Variants in FANCI observed in about 807,000 individuals in gnomAD.
FANCI encodes the protein FA complementation group I.
Under a neutral mutation model 176.1 loss-of-function variants are expected in FANCI, and 156 were observed. That is an observed-to-expected ratio of 0.89 (90% CI 0.78 to 1.01). FANCI has a LOEUF of 1.01. Ranked by LOEUF, FANCI falls within the 50% of genes least tolerant of loss-of-function variation. FANCI has a pLI of 0.00. For synonymous variants in FANCI, 613 were observed against 541.7 expected, an observed-to-expected ratio of 1.13 and a Z score of -1.83; for missense variants, 1,678 against 1,534.1, an observed-to-expected ratio of 1.09 and a Z score of -1.57.
At chr15:89,297,217 G>A (rs1379499640) in intron 24 of FANCI, among the ~76,000 whole-genome samples, 3 of 151,720 alleles carry the variant, frequency 2.0e-5, no homozygotes, top group South Asian at 2.1e-4. Flanking sequence ...GGGCAGAGGC[G>A]CTCCCCACAT....
chr15:89,267,362 G>A (rs1337239535), intron 9 of FANCI, among the ~76,000 whole-genome samples: 1 of 149,724 alleles, frequency 6.7e-6, no homozygotes, highest in African/African-American at 2.5e-5. Context: ...GAAGAGGCCA[G>A]TGATGATGCC....
At chr15:89,248,233 CTG>C (rs1235729027) in intron 2 of FANCI, among the ~76,000 whole-genome samples, 2 of 152,118 alleles carry the variant, frequency 1.3e-5, no homozygotes, top group African/African-American at 4.8e-5. Flanking sequence ...ATATGTTAGG[CTG>C]TTTCTTCTCC....
chr15:89,248,672 T>C (rs1184993072), intron 2 of FANCI, among the ~76,000 whole-genome samples: 1 of 152,218 alleles, frequency 6.6e-6, no homozygotes, highest in Non-Finnish European at 1.5e-5. Flanking sequence ...ATGCCTCAAA[T>C]TGAAGGCGTG....
intron 22 of FANCI, 120 bp downstream of exon 22, chr15:89,293,183 A>G (rs1367406899): frequency 9.5e-7 from 1 of 1,051,346 alleles, no homozygotes; most frequent in Non-Finnish European, 1.4e-6. Flanking sequence ...TGTCTCTTAA[A>G]TGAGCACCTA....
chr15:89,263,405 T>G lies in FANCI; in HGVS notation c.504-14T>G. ...AGTTGTAAAGAAATAAACTTTGTCA[T>G]TTTCTTCTACCAGGTGGGATCAGCA... On this transcript the variant is annotated splice_polypyrimidine_tract_variant and intron_variant, in intron 6 of 37. Transcript: ENST00000310775. 6.2e-7 allele frequency: 1 copy of G among 1,609,454 alleles called. No homozygotes were observed. Among genetic ancestry groups the G allele is most frequent in the Non-Finnish European group, 8.5e-7 (1 of 1,175,952 alleles).
At chr15:89,311,722 G>C (rs373396395) in intron 34 of FANCI, among the ~76,000 whole-genome samples, 2 of 152,314 alleles carry the variant, frequency 1.3e-5, no homozygotes, top group South Asian at 2.1e-4. Flanking sequence ...GTGGCATGTG[G>C]AACAAGTCTC....
intron 14 of FANCI, among the ~76,000 whole-genome samples, chr15:89,280,019 C>G (rs1388855452): frequency 6.6e-6 from 1 of 152,052 alleles, no homozygotes; most frequent in Non-Finnish European, 1.5e-5. Flanking sequence ...ATTGTCAGCT[C>G]TTTTTGTTTG....
At chr15:89,288,939 C>A (rs1418814164) in intron 18 of FANCI, among the ~76,000 whole-genome samples, 3 of 152,006 alleles carry the variant, frequency 2.0e-5, no homozygotes, top group African/African-American at 7.2e-5. Flanking sequence ...CCGTGCCCGG[C>A]CCATCTTTAT....
At chr15:89,281,432 C>T in intron 15 of FANCI, 132 bp downstream of exon 15, 1 of 1,161,992 alleles carries the variant, frequency 8.6e-7, no homozygotes, top group Non-Finnish European at 1.3e-6. Context: ...ATAAAATTTG[C>T]ATTAAAAGGG....
At chr15:89,315,914 A>G (rs1467440439) in intron 37 of FANCI, among the ~76,000 whole-genome samples, 1 of 152,088 alleles carries the variant, frequency 6.6e-6, no homozygotes, top group Non-Finnish European at 1.5e-5. Context: ...TAGCACCTAA[A>G]ATTTTCATCT....
intron 17 of FANCI, among the ~76,000 whole-genome samples, chr15:89,283,646 G>C (rs896178021): frequency 3.3e-5 from 5 of 151,922 alleles, no homozygotes; most frequent in Non-Finnish European, 5.9e-5. Context: ...TATGTGTTGG[G>C]TTACAGAAAA....
At chr15:89,290,599 A>G (rs2054024592) in intron 19 of FANCI, 1 of 277,086 alleles carries the variant, frequency 3.6e-6, no homozygotes, top group South Asian at 5.8e-5. Context: ...GAAAGAAAAA[A>G]GAAATCCAAA....
At chr15:89,260,098 T>A (rs972019115) in intron 3 of FANCI, among the ~76,000 whole-genome samples, 3 of 152,184 alleles carry the variant, frequency 2.0e-5, no homozygotes, top group South Asian at 4.1e-4. Context: ...TTTTTTCACA[T>A]CCTCATCAAC....
rs1349708901 is a variant in FANCI, at chr15:89,307,484, G to A, written c.3546G>A (p.Gln1182=). Residue 1182 remains glutamine, a synonymous_variant, in exon 33 of 38, where the codon CAG becomes CAA. Coordinates refer to ENST00000310775, the MANE Select transcript of FANCI (RefSeq NM_001113378.2). ...TLTALVRYYL[Q]VCQSSGGIPK... is the part of the protein sequence containing the mutation. ...GAATCTTTTTTTATTAGTATCTCCA[G>A]GTGTGTCAGAGCTCCGGAGGAATTC... is the stretch of plus-strand genomic sequence containing the variant. 2 of 1,614,094 alleles carry A rather than the reference G, an allele frequency of 1.2e-6. No homozygotes were observed. Among genetic ancestry groups the A allele is most frequent in the Admixed American group, 1.7e-5 (1 of 60,024 alleles).
At chr15:89,311,109 A>C (rs930138120) in intron 34 of FANCI, among the ~76,000 whole-genome samples, 5 of 152,076 alleles carry the variant, frequency 3.3e-5, no homozygotes, top group African/African-American at 1.2e-4. Context: ...AAATACAAAA[A>C]TTAGCTGGGC....
chr15:89,305,284 G>C (rs113806594), intron 29 of FANCI, 42 bp downstream of exon 29: 4 of 1,614,144 alleles, frequency 2.5e-6, no homozygotes, highest in Non-Finnish European at 3.4e-6. Context: ...GTGTGGGGAT[G>C]GGGGTCAAGG....
chr15:89,263,076 C>G (rs1396310909), intron 6 of FANCI, among the ~76,000 whole-genome samples: 1 of 152,172 alleles, frequency 6.6e-6, no homozygotes, highest in Non-Finnish European at 1.5e-5. Context: ...TAAGCATGTA[C>G]ATGGCATATA....
chr15:89,257,974 A>G lies in FANCI; in HGVS notation c.85-730A>G, dbSNP rs555810117. On this transcript the variant is annotated intron_variant, in intron 2 of 37. Coordinates refer to ENST00000310775, the MANE Select transcript of FANCI (RefSeq NM_001113378.2). ...TTAGAGAAAAGCTAAACTTCCTACCATGGCCTGTAAGATTCTTCATAATCT... is the reference window on the plus strand; with the variant it reads ...TTAGAGAAAAGCTAAACTTCCTACCGTGGCCTGTAAGATTCTTCATAATCT... 7.9e-5 allele frequency among the ~76,000 whole-genome samples: 12 copies of G among 152,088 alleles called. No homozygotes were observed. The South Asian group carries it at 1.9e-3, about 24-fold the overall frequency.
intron 10 of FANCI, among the ~76,000 whole-genome samples, chr15:89,270,025 G>A (rs558244708): frequency 6.6e-6 from 1 of 152,242 alleles, no homozygotes; most frequent in Admixed American, 6.5e-5. Flanking sequence ...TGGCCAGGCT[G>A]GTCTTCAACT....
Sources: gnomAD v4.1 joint callset for allele counts (sites outside exome capture counted in the v4.1 genomes callset) on GRCh38, gnomAD v4.1.1 for gene constraint, MANE v1.5 for transcripts, NCBI Gene and HGNC (gene_info 2026-07-23, HGNC 2026-07-21) for gene names.